CERCAM: variants seen among roughly 807,000 people sequenced by gnomAD.
CERCAM encodes the protein cerebral endothelial cell adhesion molecule, also known as inactive glycosyltransferase 25 family member 3.
A neutral mutation model predicts 66.0 loss-of-function variants in CERCAM; 59 were observed. The ratio of observed to expected loss-of-function variants is 0.89; its 90% CI spans 0.73 to 1.11. CERCAM has a LOEUF of 1.11. Ranked by LOEUF, CERCAM falls within the 50% of genes most tolerant of loss-of-function variation. The pLI, the probability that CERCAM is intolerant of heterozygous loss-of-function variation, is 0.00. For synonymous variants in CERCAM, 318 were observed against 343.6 expected, an observed-to-expected ratio of 0.93 and a Z score of 0.83; for missense variants, 840 against 828.3, an observed-to-expected ratio of 1.01 and a Z score of -0.17.
In CERCAM at chr9:128,434,407, C is replaced by T. The variant is rs1834056515; in HGVS notation, c.1332-3C>T. The T allele has an allele frequency of 6.2e-7, 1 of 1,613,870 alleles. No homozygotes were observed. Among genetic ancestry groups the T allele is most frequent in the Non-Finnish European group, 8.5e-7 (1 of 1,179,990 alleles). On this transcript the variant is annotated splice_region_variant and splice_polypyrimidine_tract_variant and intron_variant, in intron 10 of 12. Transcript: ENST00000372838. This position sits in a 1 kb window ranked among gnomAD's most constrained non-coding sequence, Gnocchi z 4.5. ...CTCCTGGGCCCCTTGGTGTCACTTA[C>T]AGCTACCTCGGACGGAAGCAGGTGA... is the stretch of plus-strand genomic sequence containing the variant.
intron 5 of CERCAM, among the ~76,000 whole-genome samples, chr9:128,425,055 G>C (rs115472913): frequency 6.7e-6 from 1 of 148,778 alleles, no homozygotes. Flanking sequence ...GTTTTTTGTT[G>C]TTGTTGTTGT....
In CERCAM at chr9:128,431,237, C is replaced by G; in HGVS notation, c.1137C>G (p.Tyr379Ter). 1 of 1,614,090 alleles carries G rather than the reference C, an allele frequency of 6.2e-7. No individual in the cohort carries two copies. Among genetic ancestry groups the G allele is most frequent in the Non-Finnish European group, 8.5e-7 (1 of 1,180,014 alleles). ...TGCTCCCGGGCTACCAGGACCCTTA[C>G]TCGGGCCGCACTCTGACCAAGGGCG... The part of the protein sequence containing the change: ...VDLLPGYQDP[Y>*]SGRTLTKGEV... Residue 379 changes from tyrosine (Y) to a stop codon, truncating the protein, a stop_gained, in exon 9 of 13, where the codon TAC becomes TAG. Coordinates refer to ENST00000372838, the MANE Select transcript of CERCAM (RefSeq NM_016174.5). LOFTEE classifies it high-confidence loss of function.
At position 128,437,216 on chromosome 9, in the gene CERCAM, A is replaced by C. The variant is rs1834131356; in HGVS notation, c.*368A>C. 6.6e-6 allele frequency: 1 copy of C among 151,756 alleles called. No homozygotes were observed. The highest frequency in any genetic ancestry group is 1.5e-5 in the Non-Finnish European group (1 of 67,902). The allele number at this position is 151,756 out of a possible 1,614,324, so 9.4% of individuals were successfully genotyped here. On this transcript the variant is annotated 3_prime_UTR_variant, in exon 13 of 13. Transcript: ENST00000372838. ...TACCTCCACCTCAGCACCCTCCCCC[A>C]GCTTGATGTTTGGGTCTCCCCAGCA...
Position 128,424,247 on chromosome 9 carries a change from A to G in CERCAM, c.536A>G (p.Asn179Ser). Residue 179 changes from asparagine (N) to serine (S), a missense_variant, in exon 4 of 13, where the codon AAC becomes AGC. Physicochemically the swap from Asn to Ser is conservative, Grantham distance 46 (BLOSUM62 1). Transcript: ENST00000372838. The part of the protein sequence containing the change: ...PMLDSQTYYS[N>S]FWCGITPQGY... ...CTGGACTCCCAGACCTACTACTCCA[A>G]CTTCTGGTGTGGGATCACCCCCCAG... 1 of 1,613,938 alleles carries G rather than the reference A, an allele frequency of 6.2e-7. No individual in the cohort carries two copies. Among genetic ancestry groups the G allele is most frequent in the South Asian group, 1.1e-5 (1 of 91,072 alleles).
chr9:128,435,804 A>T lies in CERCAM; in HGVS notation c.1687A>T (p.Ile563Phe). The change falls in exon 12 of 13, where the codon ATC (isoleucine) becomes TTC (phenylalanine). Residue 563 changes from isoleucine (I) to phenylalanine (F), a missense_variant. By Grantham distance (21) the Ile-to-Phe change is conservative (BLOSUM62 0). Transcript: ENST00000372838. ...SPWDDDSGRL[I>F]SWSGSQKTLR... ...ATGGGATGATGACAGCGGCCGCCTC[A>T]TCAGCTGGAGCGGCTCCCAAAAGAC... The T allele has an allele frequency of 6.2e-7, 1 of 1,612,320 alleles. No individual in the cohort carries two copies. Among genetic ancestry groups the T allele is most frequent in the Non-Finnish European group, 8.5e-7 (1 of 1,179,562 alleles).
At chr9:128,424,004 T>C (rs1833776061) in intron 3 of CERCAM, 134 bp from the exon 4 acceptor site, 3 of 956,054 alleles carry the variant, frequency 3.1e-6, no homozygotes, top group East Asian at 4.8e-5. Context: ...TGTACTGAGT[T>C]TGTGAGACCT....
Position 128,428,315 on chromosome 9 carries a change from C to T in CERCAM, c.780C>T (p.His260=), listed in dbSNP as rs747345926. The T allele has an allele frequency of 2.0e-5, 32 of 1,613,902 alleles. No homozygotes were observed. The East Asian group carries it at 4.5e-4, about 22-fold the overall frequency. ...CTGTCTCTGCAGGGGTCTCCGTCCA[C>T]GTGTGCAATGAGCACCGTTATGGGT... is the stretch of plus-strand genomic sequence containing the variant. ...YACQAAGVSV[H]VCNEHRYGYM... is the part of the protein sequence containing the mutation. The change falls in exon 6 of 13, where the codon CAC becomes CAT. Residue 260 remains histidine (H), a synonymous_variant. Transcript: ENST00000372838.
intron 2 of CERCAM, 78 bp downstream of exon 2, chr9:128,423,056 C>T (rs1833747555): frequency 7.5e-6 from 12 of 1,607,874 alleles, no homozygotes; most frequent in African/African-American, 1.3e-5. Context: ...CAGCCCAGAG[C>T]CACAGCCTCC....
In CERCAM at chr9:128,435,916, G is replaced by A. The variant is rs1221801112; in HGVS notation, c.*11G>A. ...CGAGATGAGCTCTAGGTGAGGCCAG[G>A]GCGGGAAGAGGCCCCAGCCCCGTAG... On this transcript the variant is annotated intron_variant, in intron 12 of 12. Coordinates refer to ENST00000372838, the MANE Select transcript of CERCAM (RefSeq NM_016174.5). 1 of 1,592,100 alleles carries A rather than the reference G, an allele frequency of 6.3e-7. No individual in the cohort carries two copies. The highest frequency in any genetic ancestry group is 1.3e-5 in the African/African-American group (1 of 74,630).
Position 128,435,661 on chromosome 9 carries a change from A to G in CERCAM, c.1544A>G (p.Tyr515Cys). 1 of 1,611,660 alleles carries G rather than the reference A, an allele frequency of 6.2e-7. No individual in the cohort carries two copies. Among genetic ancestry groups the G allele is most frequent in the South Asian group, 1.1e-5 (1 of 90,616 alleles). ...ATCCTCTCACCTTACAGCGAGCAGTACAAGGCACACTTCTGGCCACGGGAC... is the reference window on the plus strand; with the variant it reads ...ATCCTCTCACCTTACAGCGAGCAGTGCAAGGCACACTTCTGGCCACGGGAC... ...IMFDQHPNEQ[Y>C]KAHFWPRDLV... Residue 515 changes from tyrosine to cysteine, a missense_variant, in exon 12 of 13, where the codon TAC becomes TGC. Tyr to Cys is a radical substitution (Grantham distance 194). Coordinates refer to ENST00000372838, the MANE Select transcript of CERCAM (RefSeq NM_016174.5).
chr9:128,434,268 G>A lies in CERCAM; in HGVS notation c.1331+39G>A, dbSNP rs762044222. On this transcript the variant is annotated intron_variant, in intron 10 of 12. Transcript: ENST00000372838. The surrounding 1 kb of genome is among the most constrained non-coding windows in gnomAD (Gnocchi z 4.5). ...ACCCTCAGGGACAAGGGGGCAGGGT[G>A]GGCCTCCGGAGTCTGCCTTTTCCTG... The A allele has an allele frequency of 4.4e-5, 71 of 1,611,978 alleles. No homozygotes were observed. The highest frequency in any genetic ancestry group is 4.8e-5 in the Non-Finnish European group (56 of 1,178,892).
Position 128,428,825 on chromosome 9 carries a change from T to C in CERCAM, c.955T>C (p.Phe319Leu), listed in dbSNP as rs774616321. 15 of 1,613,428 alleles carry C rather than the reference T, an allele frequency of 9.3e-6. No homozygotes were observed. Among genetic ancestry groups the C allele is most frequent in the Admixed American group, 3.3e-5 (2 of 59,934 alleles). Residue 319 changes from phenylalanine to leucine, a missense_variant, in exon 7 of 13, where the codon TTT becomes CTT. Transcript: ENST00000372838. ...RPSKRPSKIG[F>L]DEVFVISLAR... ...CTCTAAGAGGCCCAGCAAGATAGGG[T>C]TTGACGAGGTAAGTCCCCCAGCCTG...
At chr9:128,425,758 G>T (rs1026145450) in intron 5 of CERCAM, among the ~76,000 whole-genome samples, 6 of 149,064 alleles carry the variant, frequency 4.0e-5, no homozygotes, top group Non-Finnish European at 7.4e-5. Flanking sequence ...TGATCTGCCC[G>T]CCTCAGCCTC....
chr9:128,428,375 G>A lies in CERCAM; in HGVS notation c.840G>A (p.Leu280=), dbSNP rs771436275. Residue 280 remains leucine (L), a synonymous_variant, in exon 6 of 13, where the codon CTG becomes CTA. Coordinates refer to ENST00000372838, the MANE Select transcript of CERCAM (RefSeq NM_016174.5). The part of the protein sequence containing the change: ...MNVPVKSHQG[L]EDERVNFIHL... Reference sequence around the variant, plus strand: ...TGCCGGTGAAATCCCACCAGGGGCTGGAAGACGAGAGGGTCAACTTCATCC... The same window carrying A: ...TGCCGGTGAAATCCCACCAGGGGCTAGAAGACGAGAGGGTCAACTTCATCC... The A allele has an allele frequency of 1.9e-5, 30 of 1,614,044 alleles. No individual in the cohort carries two copies. Among genetic ancestry groups the A allele is most frequent in the Non-Finnish European group, 2.5e-5 (29 of 1,180,016 alleles).
At chr9:128,427,204 C>A (rs1265791405) in intron 5 of CERCAM, among the ~76,000 whole-genome samples, 1 of 152,050 alleles carries the variant, frequency 6.6e-6, no homozygotes, top group Non-Finnish European at 1.5e-5. Flanking sequence ...CCTCTGCCTC[C>A]CGGGTTCAAG....
chr9:128,431,032 G>A (rs1231537497), intron 8 of CERCAM, 139 bp from the exon 9 acceptor site: 12 of 1,045,806 alleles, frequency 1.1e-5, no homozygotes, highest in Non-Finnish European at 1.5e-5. Context: ...GACAGCTTCA[G>A]GTCACACAAA....
chr9:128,431,085 T>C, intron 8 of CERCAM, 86 bp from the exon 9 acceptor site: 2 of 1,494,674 alleles, frequency 1.3e-6, no homozygotes, highest in South Asian at 2.5e-5. Flanking sequence ...GACTCCAGTG[T>C]GACTGTCCCC....
upstream of CERCAM, chr9:128,420,400 G>C (rs919014471): frequency 6.6e-6 from 1 of 152,242 alleles, no homozygotes; most frequent in Non-Finnish European, 1.5e-5. The surrounding 1 kb of genome is among the most constrained non-coding windows in gnomAD (Gnocchi z 5.0). Context: ...GGCGGGAGCC[G>C]GGGAAGCCCG....
intron 8 of CERCAM, 37 bp downstream of exon 8, chr9:128,429,073 G>A: frequency 1.4e-6 from 2 of 1,472,824 alleles, no homozygotes; most frequent in Middle Eastern, 4.0e-4. Flanking sequence ...TGTGCGCTTG[G>A]GGAAGCAGTG....
Sources: gnomAD v4.1 joint callset for allele counts (sites outside exome capture counted in the v4.1 genomes callset) on GRCh38, gnomAD v4.1.1 for gene constraint, Gnocchi (gnomAD v3.1) non-coding constraint, MANE v1.5 for transcripts, NCBI Gene and HGNC (gene_info 2026-07-23, HGNC 2026-07-21) for gene names.